INTS1: variants seen among roughly 807,000 people sequenced by gnomAD.
The protein encoded by INTS1 is integrator complex subunit 1.
INTS1 carries 137 observed loss-of-function variants against 241.6 expected under a neutral mutation model. The observed-to-expected ratio is 0.57, with a 90% confidence interval of 0.49 to 0.65. The LOEUF (loss-of-function observed/expected upper bound fraction) is 0.65. INTS1 is among the 30% of genes least tolerant of loss of function. The pLI is 0.00. For synonymous variants in INTS1, 1,692 were observed against 1,337.8 expected (o/e 1.26, Z -5.78); for missense variants, 3,073 against 3,032.2 (o/e 1.01, Z -0.32).
At chr7:1,478,231 GGGACCTCTGT>G in intron 33 of INTS1, 125 bp downstream of exon 33, 1 of 1,011,890 alleles carries the variant, frequency 9.9e-7, no homozygotes, top group Non-Finnish European at 1.5e-6. Context: ...CATCTGGGAG[GGGACCTCTGT>G]GGGCACTTTC....
At chr7:1,495,404 A>G (rs1443041613) in intron 13 of INTS1, 29 bp downstream of exon 13, 1 of 1,593,282 alleles carries the variant, frequency 6.3e-7, no homozygotes, top group Non-Finnish European at 8.5e-7. Context: ...GGGGTGTGGG[A>G]CAGGGGCTGT....
rs765199306 is a variant in INTS1 at position 1,499,279 on chromosome 7, T to G, written c.926A>C (p.Glu309Ala). The G allele has an allele frequency of 3.8e-5, 61 of 1,609,876 alleles. No individual in the cohort carries two copies. Among genetic ancestry groups the G allele is most frequent in the Non-Finnish European group, 7.6e-6 (9 of 1,178,802 alleles). ...CCTGGGCATGAGCTGGCCCTCCTGCTCGGGGCTCAGCTTCTCCTCCGCGAT... is the reference window on the plus strand; with the variant it reads ...CCTGGGCATGAGCTGGCCCTCCTGCGCGGGGCTCAGCTTCTCCTCCGCGAT... ...LLIAEEKLSP[E>A]QEGQLMPRYE... The change falls in exon 7 of 48, where the codon GAG becomes GCG. Residue 309 changes from glutamate (E) to alanine (A), a missense_variant. Coordinates refer to ENST00000404767, the MANE Select transcript of INTS1 (RefSeq NM_001080453.3).
At chr7:1,472,932 G>A (rs990234278) in intron 43 of INTS1, 140 bp downstream of exon 43, 7 of 576,074 alleles carry the variant, frequency 1.2e-5, no homozygotes, top group Non-Finnish European at 1.8e-5. Flanking sequence ...TGGGTCAGGG[G>A]CCAGCCAGCA....
chr7:1,492,966 G>T, intron 16 of INTS1, 44 bp downstream of exon 16: 1 of 1,484,812 alleles, frequency 6.7e-7, no homozygotes, highest in Non-Finnish European at 9.3e-7. Context: ...GGAGCGGGGC[G>T]CGGGCTTACC....
At chr7:1,486,506 C>G in intron 22 of INTS1, 119 bp downstream of exon 22, 4 of 1,140,940 alleles carry the variant, frequency 3.5e-6, no homozygotes, top group Non-Finnish European at 4.9e-6. Flanking sequence ...CTCAGGTAAT[C>G]TGCCTGCCTT....
At chr7:1,491,621 C>T (rs144778185) in intron 16 of INTS1, among the ~76,000 whole-genome samples, 28 of 152,344 alleles carry the variant, frequency 1.8e-4, no homozygotes, top group Admixed American at 1.0e-3. Context: ...CCTGGCCAGG[C>T]GCGGTGTGGC....
intron 25 of INTS1, 48 bp downstream of exon 25, chr7:1,483,955 C>G: frequency 6.3e-7 from 1 of 1,589,026 alleles, no homozygotes; most frequent in Non-Finnish European, 8.6e-7. Flanking sequence ...CCTCACCCAG[C>G]CGTAGACCTC....
intron 27 of INTS1, chr7:1,482,248 T>A: frequency 3.6e-6 from 1 of 279,022 alleles, no homozygotes; most frequent in Non-Finnish European, 6.7e-6. Context: ...CTCCTCCTCC[T>A]CTCCAACCCC....
chr7:1,484,936 T>C (rs994583803), intron 24 of INTS1, among the ~76,000 whole-genome samples, 162 bp downstream of exon 24: 1 of 131,094 alleles, frequency 7.6e-6, no homozygotes, highest in African/African-American at 2.9e-5. Flanking sequence ...GCAGGGTCTC[T>C]GTGCTGACCC....
intron 29 of INTS1, among the ~76,000 whole-genome samples, 194 bp from the exon 30 acceptor site, chr7:1,480,635 C>T (rs954071186): frequency 2.6e-5 from 4 of 152,178 alleles, no homozygotes; most frequent in African/African-American, 9.7e-5. Flanking sequence ...TGAACAGGAA[C>T]GTGCATGCTG....
At chr7:1,477,462 C>T in intron 35 of INTS1, 88 bp downstream of exon 35, 1 of 1,423,266 alleles carries the variant, frequency 7.0e-7, no homozygotes. Context: ...CCCTGCAAGG[C>T]TCGCCCAGGC....
Position 1,471,633 on chromosome 7 carries a change from C to T in INTS1, c.6193G>A (p.Glu2065Lys), listed in dbSNP as rs1438554209. The T allele has an allele frequency of 3.1e-6, 5 of 1,612,290 alleles. No individual in the cohort carries two copies. Among genetic ancestry groups the T allele is most frequent in the Non-Finnish European group, 4.2e-6 (5 of 1,179,782 alleles). The change falls in exon 45 of 48, where the codon GAG becomes AAG. Residue 2065 changes from glutamate to lysine, a missense_variant. Physicochemically the swap from Glu to Lys is moderately conservative, Grantham distance 56. Coordinates refer to ENST00000404767, the MANE Select transcript of INTS1 (RefSeq NM_001080453.3). ...SRGQTVEDLL[E>K]VLSDIDEMSR... ...ATCTCGTCTATGTCACTCAGAACCT[C>T]CAGCAGATCTGACACAGAGAGAGGG... is the stretch of plus-strand genomic sequence containing the variant.
At chr7:1,476,944 TGGCCTCACCTGGGCCAATGGCA>T in intron 35 of INTS1, 26 bp from the exon 36 acceptor site, 1 of 1,596,452 alleles carries the variant, frequency 6.3e-7, no homozygotes. Context: ...GAAGCCCGGA[TGGCCTCACCTGGGCCAATGGCA>T]GGCTCTGCTG....
chr7:1,476,448 C>A lies in INTS1; in HGVS notation c.5159G>T (p.Arg1720Leu). The A allele has an allele frequency of 6.4e-7, 1 of 1,570,226 alleles. No homozygotes were observed. Among genetic ancestry groups the A allele is most frequent in the East Asian group, 2.4e-5 (1 of 42,464 alleles). ...CTGGACCCGCAGCACCAGCTCCTCC[C>A]GCCGCTTCTGTAACGGGTGCCTGCA... ...GRDQRTPQKRREELVLRVQGP... is the reference protein window; with the variant it reads ...GRDQRTPQKRLEELVLRVQGP... Residue 1720 changes from arginine (R) to leucine (L), a missense_variant, in exon 38 of 48, where the codon CGG becomes CTG. By Grantham distance (102) the Arg-to-Leu change is moderately radical. Transcript: ENST00000404767.
Position 1,471,573 on chromosome 7 carries a change from A to G in INTS1, c.6253T>C (p.Ser2085Pro). Reference sequence around the variant, plus strand: ...TCCCTCAGCCCCATCCAGCTCACCGAGAAGAAGCTCAGGATCTCGGGTCTC... The same window carrying G: ...TCCCTCAGCCCCATCCAGCTCACCGGGAAGAAGCTCAGGATCTCGGGTCTC... ...RRRPEILSFF[S>P]TNLQRLMSSA... is the part of the protein sequence containing the mutation. Residue 2085 changes from serine (S) to proline (P), a missense_variant and splice_region_variant, in exon 45 of 48, where the codon TCG becomes CCG. By Grantham distance (74) the Ser-to-Pro change is moderately conservative. Transcript: ENST00000404767. 6.2e-7 allele frequency: 1 copy of G among 1,612,228 alleles called. No individual in the cohort carries two copies. Among genetic ancestry groups the G allele is most frequent in the Non-Finnish European group, 8.5e-7 (1 of 1,179,718 alleles).
chr7:1,470,668 C>T lies in INTS1; in HGVS notation c.6482G>A (p.Arg2161Gln), dbSNP rs565110157. ...GCCGTACATGCCCACCAGGAAGGCC[C>T]GGTGGAGCAGCACAGCCGCGTGCTC... ...CQEHAAVLLH[R>Q]AFLVGMYGQM... Residue 2161 changes from arginine to glutamine, a missense_variant, in exon 48 of 48, where the codon CGG (arginine) becomes CAG (glutamine). Arg to Gln is a conservative substitution (Grantham distance 43, BLOSUM62 1). Coordinates refer to ENST00000404767, the MANE Select transcript of INTS1 (RefSeq NM_001080453.3). The T allele has an allele frequency of 1.4e-5, 22 of 1,576,464 alleles. No individual in the cohort carries two copies. Among genetic ancestry groups the T allele is most frequent in the South Asian group, 3.5e-5 (3 of 86,540 alleles).
At position 1,503,203 on chromosome 7, in the gene INTS1, G is replaced by A; in HGVS notation, c.59-12C>T. ...TGGGGGAGGGTGCCCTGCAGAGAAA[G>A]GAGAGAGAAAACCGGGCACATTTGC... is the stretch of plus-strand genomic sequence containing the variant. On this transcript the variant is annotated splice_polypyrimidine_tract_variant and intron_variant, in intron 2 of 47. Transcript: ENST00000404767. The A allele has an allele frequency of 3.9e-6, 6 of 1,520,016 alleles. No homozygotes were observed. The highest frequency in any genetic ancestry group is 4.4e-6 in the Non-Finnish European group (5 of 1,135,142). The allele number at this position is 1,520,016 out of a possible 1,614,324, so 94.2% of individuals were successfully genotyped here.
rs557292442 is a variant in INTS1, at chr7:1,493,273, G to A, written c.2069-167C>T. Among the ~76,000 whole-genome samples, 20 of 152,170 alleles carry A rather than the reference G, an allele frequency of 1.3e-4. No homozygotes were observed. Among genetic ancestry groups the A allele is most frequent in the African/African-American group, 4.8e-4 (20 of 41,516 alleles). ...CTGGGGGAAGCTTGGCTTCTCACTG[G>A]GAAACAGGGCACTTTGCTCTCGGGG... On this transcript the variant is annotated intron_variant, in intron 15 of 47. Coordinates refer to ENST00000404767, the MANE Select transcript of INTS1 (RefSeq NM_001080453.3). This position sits in a 1 kb window ranked among gnomAD's most constrained non-coding sequence, Gnocchi z 5.3.
intron 24 of INTS1, among the ~76,000 whole-genome samples, chr7:1,484,456 A>G (rs1407532455): frequency 1.3e-5 from 2 of 152,190 alleles, no homozygotes; most frequent in African/African-American, 4.8e-5. Context: ...CCTATCGCTC[A>G]TTCCCTGAGG....
Sources: gnomAD v4.1 joint callset for allele counts (sites outside exome capture counted in the v4.1 genomes callset) on GRCh38, gnomAD v4.1.1 for gene constraint, Gnocchi (gnomAD v3.1) non-coding constraint, MANE v1.5 for transcripts, NCBI Gene and HGNC (gene_info 2026-07-23, HGNC 2026-07-21) for gene names.